The following PAIP2B variants were observed in gnomAD, a reference collection of about 807,000 sequenced individuals.
The protein encoded by PAIP2B is polyadenylate-binding protein-interacting protein 2B.
A neutral mutation model predicts 17.0 loss-of-function variants in PAIP2B; 13 were observed. The observed-to-expected ratio is 0.76, with a 90% CI of 0.50 to 1.22. The LOEUF is 1.22. Among genes scored for constraint, PAIP2B ranks in the 50% most tolerant of loss-of-function variants. PAIP2B has a pLI of 0.00. For synonymous variants in PAIP2B, 43 were observed against 48.7 expected, an observed-to-expected ratio of 0.88 and a Z score of 0.48; for missense variants, 117 against 144.5, an observed-to-expected ratio of 0.81 and a Z score of 0.98.
intron 2 of PAIP2B, among the ~76,000 whole-genome samples, chr2:71,192,742 T>C (rs1221206041): frequency 6.6e-6 from 1 of 152,236 alleles, no homozygotes; most frequent in Non-Finnish European, 1.5e-5. Flanking sequence ...TGCAACTCCA[T>C]CCATGTTCCT....
intron 1 of PAIP2B, among the ~76,000 whole-genome samples, chr2:71,211,492 A>G (rs1675297315): frequency 6.6e-6 from 1 of 151,962 alleles, no homozygotes; most frequent in African/African-American, 2.4e-5. Flanking sequence ...AATTCCTCGA[A>G]TATAGTGACA....
At chr2:71,203,314 A>G (rs1478896460) in intron 1 of PAIP2B, among the ~76,000 whole-genome samples, 4 of 150,442 alleles carry the variant, frequency 2.7e-5, no homozygotes, top group Non-Finnish European at 5.9e-5. Flanking sequence ...GGGTGTTTCC[A>G]ATGTTTCTGT....
At chr2:71,191,710 T>C (rs529048739) in intron 2 of PAIP2B, among the ~76,000 whole-genome samples, 13 of 152,306 alleles carry the variant, frequency 8.5e-5, no homozygotes, top group African/African-American at 3.1e-4. Flanking sequence ...CCCCTTGCCA[T>C]GGCCTTTGGT....
At chr2:71,193,047 T>C (rs1453429759) in intron 2 of PAIP2B, among the ~76,000 whole-genome samples, 2 of 152,238 alleles carry the variant, frequency 1.3e-5, no homozygotes, top group Admixed American at 1.3e-4. Flanking sequence ...TTTACACTCC[T>C]ACCAACATTG....
intron 1 of PAIP2B, among the ~76,000 whole-genome samples, chr2:71,212,479 C>G (rs887997753): frequency 6.6e-6 from 1 of 152,180 alleles, no homozygotes; most frequent in Non-Finnish European, 1.5e-5. Flanking sequence ...ATTTCCTCAG[C>G]AGGAAGCCCA....
chr2:71,202,715 T>C (rs1045771292), intron 1 of PAIP2B, 115 bp from the exon 2 acceptor site: 5 of 898,574 alleles, frequency 5.6e-6, no homozygotes, highest in African/African-American at 1.7e-5. Flanking sequence ...AGATTTTAAC[T>C]ATAGATAAAC....
At chr2:71,222,344 C>T (rs1369784133) in intron 1 of PAIP2B, among the ~76,000 whole-genome samples, 2 of 152,192 alleles carry the variant, frequency 1.3e-5, no homozygotes, top group Non-Finnish European at 2.9e-5. Context: ...CTGAGGACGG[C>T]ATATAGGCTG....
At chr2:71,216,526 C>T (rs543154436) in intron 1 of PAIP2B, among the ~76,000 whole-genome samples, 27 of 151,852 alleles carry the variant, frequency 1.8e-4, no homozygotes, top group African/African-American at 6.1e-4. Flanking sequence ...TGTTTCTCAT[C>T]CCAGACCAAA....
At chr2:71,214,131 A>G (rs1034748953) in intron 1 of PAIP2B, among the ~76,000 whole-genome samples, 1 of 152,184 alleles carries the variant, frequency 6.6e-6, no homozygotes, top group Non-Finnish European at 1.5e-5. Flanking sequence ...ATGAGCCATC[A>G]GAGATTTATT....
At chr2:71,200,029 T>C (rs1674938815) in intron 2 of PAIP2B, among the ~76,000 whole-genome samples, 1 of 152,228 alleles carries the variant, frequency 6.6e-6, no homozygotes, top group African/African-American at 2.4e-5. Context: ...AATCTGCTTC[T>C]ATCAGCCTCA....
At chr2:71,221,374 T>A (rs1675576493) in intron 1 of PAIP2B, among the ~76,000 whole-genome samples, 1 of 152,260 alleles carries the variant, frequency 6.6e-6, no homozygotes, top group Non-Finnish European at 1.5e-5. Flanking sequence ...GCATTCCTAC[T>A]CACCCTTAAA....
chr2:71,189,706 G>A lies in PAIP2B; in HGVS notation c.315+139C>T, dbSNP rs557112637. On this transcript the variant is annotated intron_variant, in intron 3 of 3. Transcript: ENST00000244221. ...CTTTAATGCACCCCTTATTAATAAT[G>A]CCCATAAAACGAGCAAAGAAACAAC... is the stretch of plus-strand genomic sequence containing the variant. 4.2e-6 allele frequency: 3 copies of A among 713,702 alleles called. No individual in the cohort carries two copies. In the South Asian group the frequency reaches 7.0e-5, roughly 17 times the overall value. 44.2% of individuals were successfully genotyped at this position (713,702 alleles called of 1,614,324 possible).
At chr2:71,214,155 A>G (rs1675370845) in intron 1 of PAIP2B, among the ~76,000 whole-genome samples, 1 of 152,180 alleles carries the variant, frequency 6.6e-6, no homozygotes, top group South Asian at 2.1e-4. Context: ...CACCTTGCCT[A>G]AAGTATAACC....
chr2:71,224,673 C>T (rs996505365), intron 1 of PAIP2B, among the ~76,000 whole-genome samples: 1 of 152,180 alleles, frequency 6.6e-6, no homozygotes, highest in Non-Finnish European at 1.5e-5. Context: ...GAGATCAGAA[C>T]ACAGTGCCAT....
rs571619132 is a variant in PAIP2B, at chr2:71,185,987, C to T, written c.*2492G>A. 32 of 152,322 alleles carry T rather than the reference C, an allele frequency of 2.1e-4. No individual in the cohort carries two copies. The highest frequency in any genetic ancestry group is 7.7e-4 in the African/African-American group (32 of 41,570). 9.4% of individuals were successfully genotyped at this position (152,322 alleles called of 1,614,324 possible). A position where few individuals can be genotyped will look rare whatever the true frequency, so the allele number is the denominator to read the frequency against. On this transcript the variant is annotated 3_prime_UTR_variant, in exon 4 of 4. Transcript: ENST00000244221. ...TTCCATTTCTATACAAATTCTCAAA[C>T]TTCTAGTTGCCAATTTAAAAAAGTT... is the stretch of plus-strand genomic sequence containing the variant.
intron 2 of PAIP2B, among the ~76,000 whole-genome samples, chr2:71,199,515 C>G (rs35845599): frequency 0.067 from 10,099 of 151,780 alleles, 373 homozygotes; most frequent in African/African-American, 0.092. Flanking sequence ...AGTGTATGTT[C>G]CAAGTTGCAT....
chr2:71,212,860 C>A lies in PAIP2B; in HGVS notation c.-11-10260G>T, dbSNP rs190115842. ...CACTGAACTCCCGGGCTGAGGCAAT[C>A]CTCCTGCCTCAGCCTCCCAGGTAGC... On this transcript the variant is annotated intron_variant, in intron 1 of 3. Transcript: ENST00000244221. 1.1e-4 allele frequency among the ~76,000 whole-genome samples: 16 copies of A among 151,846 alleles called. No homozygotes were observed. In the East Asian group the frequency reaches 1.6e-3, roughly 15 times the overall value.
At chr2:71,189,058 T>G (rs1381076111) in intron 3 of PAIP2B, among the ~76,000 whole-genome samples, 2 of 145,050 alleles carry the variant, frequency 1.4e-5, no homozygotes, top group Non-Finnish European at 3.0e-5. Context: ...CAGGCTGGAG[T>G]GCAGTGGTGC....
At chr2:71,224,833 A>G (rs889812031) in intron 1 of PAIP2B, among the ~76,000 whole-genome samples, 1 of 152,184 alleles carries the variant, frequency 6.6e-6, no homozygotes, top group African/African-American at 2.4e-5. Context: ...AAATTTGCAA[A>G]CAAGTTATTA....
Sources: allele counts gnomAD v4.1 joint callset (sites outside exome capture counted in the v4.1 genomes callset), GRCh38; gene constraint gnomAD v4.1.1; transcripts MANE v1.5; gene names NCBI Gene and HGNC (gene_info 2026-07-23, HGNC 2026-07-21).